The following FSTL5 variants were observed in gnomAD, a reference collection of about 807,000 sequenced individuals.
FSTL5 encodes the protein follistatin like 5.
FSTL5 carries 62 observed loss-of-function variants against 89.1 expected under a neutral mutation model. The ratio of observed to expected loss-of-function variants is 0.70; its 90% confidence interval spans 0.57 to 0.86. FSTL5 has a LOEUF of 0.86. Among genes scored for constraint, FSTL5 ranks in the 40% least tolerant of loss-of-function variants. The pLI, the probability that FSTL5 is intolerant of heterozygous loss-of-function variation, is 0.00. For synonymous variants in FSTL5, 383 were observed against 346.2 expected (o/e 1.11, Z -1.18); for missense variants, 1,057 against 1,001.6 (o/e 1.06, Z -0.75).
At chr4:162,057,930 T>C (rs2111273451) in intron 2 of FSTL5, among the ~76,000 whole-genome samples, 1 of 152,078 alleles carries the variant, frequency 6.6e-6, no homozygotes, top group South Asian at 2.1e-4. Context: ...GGTAAGAGAG[T>C]GAGACTCCAT....
rs117131616 is a variant in FSTL5, at chr4:161,734,885, C to T, written c.727+24526G>A. Among the ~76,000 whole-genome samples the T allele has an allele frequency of 7.8e-4, 116 of 149,546 alleles. 2 individuals carry two copies. In the East Asian group the frequency reaches 0.019, roughly 24 times the overall value. ...GGAGACAGTGGCAGAGCTCACACAA[C>T]GTCTAGGGGCTTTTCCCCATGCACC... On this transcript the variant is annotated intron_variant, in intron 6 of 15. Coordinates refer to ENST00000306100, the MANE Select transcript of FSTL5 (RefSeq NM_020116.5).
At chr4:161,765,204 A>G (rs6839549) in intron 5 of FSTL5, among the ~76,000 whole-genome samples, 10,269 of 152,256 alleles carry the variant, frequency 0.067, 590 homozygotes, top group African/African-American at 0.16. Context: ...ATAGTTGTCC[A>G]TTCTGCTCTA....
chr4:162,128,805 A>G (rs993430426), intron 1 of FSTL5, among the ~76,000 whole-genome samples: 2 of 152,186 alleles, frequency 1.3e-5, no homozygotes, highest in Non-Finnish European at 2.9e-5. Flanking sequence ...TGCAAATTAA[A>G]TATTTTTCTT....
chr4:161,706,571 T>C (rs1738589081), intron 6 of FSTL5, among the ~76,000 whole-genome samples: 1 of 152,032 alleles, frequency 6.6e-6, no homozygotes, highest in African/African-American at 2.4e-5. Flanking sequence ...GGAAAATTAG[T>C]GAAAGCTGTT....
At chr4:161,735,079 G>T (rs900197901) in intron 6 of FSTL5, among the ~76,000 whole-genome samples, 1 of 152,108 alleles carries the variant, frequency 6.6e-6, no homozygotes, top group African/African-American at 2.4e-5. Context: ...GTTTTACCTG[G>T]GCTTCTAACC....
intron 2 of FSTL5, among the ~76,000 whole-genome samples, chr4:162,066,482 G>T (rs12504063): frequency 0.053 from 7,841 of 147,538 alleles, 378 homozygotes; most frequent in East Asian, 0.24. Context: ...TGCTGCATAG[G>T]TATACATGTG....
At chr4:162,157,014 G>A (rs989235390) in intron 1 of FSTL5, among the ~76,000 whole-genome samples, 9 of 152,052 alleles carry the variant, frequency 5.9e-5, no homozygotes, top group African/African-American at 2.2e-4. Context: ...CTATGCACAG[G>A]ATTTTATGAA....
At chr4:161,609,620 A>ATT (rs879517846) in intron 7 of FSTL5, among the ~76,000 whole-genome samples, 1 of 148,130 alleles carries the variant, frequency 6.8e-6, no homozygotes, top group Non-Finnish European at 1.5e-5. Context: ...AATGGTCTAA[A>ATT]TTTTTTTTTT....
intron 4 of FSTL5, among the ~76,000 whole-genome samples, chr4:161,914,380 CAG>C (rs377298022): frequency 1.5e-3 from 234 of 152,168 alleles, no homozygotes; most frequent in African/African-American, 5.5e-3. Flanking sequence ...ATATATATCA[CAG>C]GGGAAAATTT....
Position 161,384,241 on chromosome 4 carries a change from TTGAG to T in FSTL5, c.*1502_*1505del, listed in dbSNP as rs1730535101. 5 of 152,252 alleles carry T rather than the reference TTGAG, an allele frequency of 3.3e-5. No homozygotes were observed. In the South Asian group the frequency reaches 1.0e-3, roughly 32 times the overall value. 9.4% of individuals were successfully genotyped at this position (152,252 alleles called of 1,614,324 possible). A position where few individuals can be genotyped will look rare whatever the true frequency, so the allele number is the denominator to read the frequency against. On this transcript the variant is annotated 3_prime_UTR_variant, in exon 16 of 16. Transcript: ENST00000306100. ...CTAAGCAGTTTTATACAATTTAAAC[TTGAG>T]TAAAATTTGTATATTTAAAAAAGAC...
At chr4:161,554,077 ATACT>A (rs1732305197) in intron 8 of FSTL5, among the ~76,000 whole-genome samples, 1 of 151,606 alleles carries the variant, frequency 6.6e-6, no homozygotes, top group South Asian at 2.1e-4. Flanking sequence ...TGAGGTTCTG[ATACT>A]TAAAAAAGTA....
chr4:161,548,057 A>G (rs1415329071), intron 8 of FSTL5, among the ~76,000 whole-genome samples: 1 of 151,842 alleles, frequency 6.6e-6, no homozygotes, highest in African/African-American at 2.4e-5. Context: ...GGAGTAATAA[A>G]CCATGTTCAT....
At chr4:162,087,581 C>A (rs934123262) in intron 2 of FSTL5, among the ~76,000 whole-genome samples, 1 of 152,144 alleles carries the variant, frequency 6.6e-6, no homozygotes, top group Non-Finnish European at 1.5e-5. Context: ...TAACCCTCTG[C>A]CCTCACTTGT....
At chr4:161,968,152 C>T (rs565149988) in intron 3 of FSTL5, among the ~76,000 whole-genome samples, 2 of 152,026 alleles carry the variant, frequency 1.3e-5, no homozygotes, top group African/African-American at 4.8e-5. Context: ...TTTTGCCACA[C>T]ATCAATTTCC....
At chr4:161,991,009 C>T (rs1424912472) in intron 3 of FSTL5, among the ~76,000 whole-genome samples, 1 of 151,980 alleles carries the variant, frequency 6.6e-6, no homozygotes, top group African/African-American at 2.4e-5. Flanking sequence ...TAGTAATAGA[C>T]TTGGATTAAA....
intron 8 of FSTL5, among the ~76,000 whole-genome samples, chr4:161,580,009 T>C (rs1361882252): frequency 1.3e-5 from 2 of 152,150 alleles, no homozygotes; most frequent in African/African-American, 4.8e-5. Flanking sequence ...TATTAATTAC[T>C]TTGGACTAAT....
At chr4:161,401,464 T>G (rs749628767) in intron 15 of FSTL5, among the ~76,000 whole-genome samples, 2 of 152,192 alleles carry the variant, frequency 1.3e-5, no homozygotes, top group Non-Finnish European at 2.9e-5. Context: ...AGAATCTCAG[T>G]GTTTTAAATC....
intron 3 of FSTL5, among the ~76,000 whole-genome samples, chr4:162,008,779 G>T (rs1267421033): frequency 6.6e-6 from 1 of 151,840 alleles, no homozygotes; most frequent in Non-Finnish European, 1.5e-5. Context: ...TATTTACTAT[G>T]AAGGATGATT....
At chr4:162,016,588 G>T (rs927480609) in intron 3 of FSTL5, among the ~76,000 whole-genome samples, 2 of 152,116 alleles carry the variant, frequency 1.3e-5, no homozygotes, top group Non-Finnish European at 2.9e-5. Flanking sequence ...GGACTTTAGT[G>T]TCTCTAGATT....
Sources: allele counts gnomAD v4.1 joint callset (sites outside exome capture counted in the v4.1 genomes callset), GRCh38; gene constraint gnomAD v4.1.1; transcripts MANE v1.5; gene names NCBI Gene and HGNC (gene_info 2026-07-23, HGNC 2026-07-21).